SHANK2: variants seen among roughly 807,000 people sequenced by gnomAD.
SHANK2 encodes SH3 and multiple ankyrin repeat domains protein 2.
A neutral mutation model predicts 133.7 loss-of-function variants in SHANK2; 43 were observed. The observed-to-expected ratio is 0.32, with a 90% CI of 0.25 to 0.41. SHANK2 has a LOEUF of 0.41. Ranked by LOEUF, SHANK2 falls within the 10% of genes least tolerant of loss-of-function variation. The pLI is 1.00. For synonymous variants in SHANK2, 1,017 were observed against 952.8 expected, an observed-to-expected ratio of 1.07 and a Z score of -1.24; for missense variants, 1,994 against 2,235.8, an observed-to-expected ratio of 0.89 and a Z score of 2.18.
chr11:70,487,767 G>A lies in SHANK2; in HGVS notation c.2573-47C>T. On this transcript the variant is annotated intron_variant, in intron 24 of 25. Coordinates refer to ENST00000601538, the MANE Select transcript of SHANK2 (RefSeq NM_012309.5). The surrounding 1 kb of genome is among the most constrained non-coding windows in gnomAD (Gnocchi z 5.8). ...AGCTTTAAGTCACAATAGCAACAAA[G>A]CCTAAGTTCCTAGGAACGTGCGATA... The A allele has an allele frequency of 6.5e-7, 1 of 1,550,284 alleles. No homozygotes were observed. The highest frequency in any genetic ancestry group is 8.7e-7 in the Non-Finnish European group (1 of 1,147,028).
chr11:70,900,797 T>C (rs1429095944), intron 10 of SHANK2, among the ~76,000 whole-genome samples: 1 of 152,162 alleles, frequency 6.6e-6, no homozygotes, highest in Admixed American at 6.6e-5. Context: ...TGGCTTATCA[T>C]GGGTTCCCAG....
At chr11:70,633,884 C>T (rs1795242543) in intron 17 of SHANK2, 1 of 152,222 alleles carries the variant, frequency 6.6e-6, no homozygotes, top group South Asian at 2.1e-4. Flanking sequence ...CAAGAGCTCA[C>T]CTCCATTTAT....
At chr11:70,762,641 A>G (rs1947020038) in intron 14 of SHANK2, among the ~76,000 whole-genome samples, 1 of 152,110 alleles carries the variant, frequency 6.6e-6, no homozygotes, top group African/African-American at 2.4e-5. Context: ...AGGTCCACAG[A>G]TCCCACAAGC....
At chr11:71,064,223 G>A (rs1951019325) in intron 9 of SHANK2, among the ~76,000 whole-genome samples, 1 of 152,252 alleles carries the variant, frequency 6.6e-6, no homozygotes, top group Non-Finnish European at 1.5e-5. Flanking sequence ...GCTTGGGCTG[G>A]AGAGGGGGCA....
intron 17 of SHANK2, among the ~76,000 whole-genome samples, chr11:70,533,627 A>G (rs1307491339): frequency 6.6e-6 from 1 of 152,098 alleles, no homozygotes; most frequent in Non-Finnish European, 1.5e-5. Context: ...TTTGGGGGAC[A>G]TGCATATTTC....
intron 9 of SHANK2, among the ~76,000 whole-genome samples, chr11:71,070,413 T>C (rs2135965525): frequency 6.6e-6 from 1 of 152,168 alleles, no homozygotes; most frequent in East Asian, 1.9e-4. Context: ...TAGGCAAGGC[T>C]GGAAATCAAA....
At chr11:70,612,948 C>T (rs1342407978) in intron 17 of SHANK2, among the ~76,000 whole-genome samples, 1 of 152,194 alleles carries the variant, frequency 6.6e-6, no homozygotes, top group East Asian at 1.9e-4. Flanking sequence ...CTGTACTCCA[C>T]GTGTGAGCAA....
At chr11:71,066,753 A>G (rs995132212) in intron 9 of SHANK2, among the ~76,000 whole-genome samples, 1 of 152,230 alleles carries the variant, frequency 6.6e-6, no homozygotes, top group Non-Finnish European at 1.5e-5. Context: ...AGATGTCTGC[A>G]TAAGTAAAAC....
In SHANK2 at chr11:71,224,784, G is replaced by C. The variant is rs1954613892; in HGVS notation, c.-100C>G. On this transcript the variant is annotated 5_prime_UTR_variant, in exon 2 of 26. Coordinates refer to ENST00000601538, the MANE Select transcript of SHANK2 (RefSeq NM_012309.5). ...AGAGGGCCAAAGCAGGGTGCCTGGAGAGATTTCCAGACCTGTGGAGAGATA... is the reference window on the plus strand; with the variant it reads ...AGAGGGCCAAAGCAGGGTGCCTGGACAGATTTCCAGACCTGTGGAGAGATA... 6.6e-6 allele frequency: 1 copy of C among 152,298 alleles called. No individual in the cohort carries two copies. The highest frequency in any genetic ancestry group is 2.4e-5 in the African/African-American group (1 of 41,456). The allele number at this position is 152,298 out of a possible 1,614,324, so 9.4% of individuals were successfully genotyped here.
chr11:70,814,512 C>T (rs1473691423), intron 12 of SHANK2, among the ~76,000 whole-genome samples: 1 of 152,196 alleles, frequency 6.6e-6, no homozygotes, highest in Non-Finnish European at 1.5e-5. Context: ...CCAGCAGTGT[C>T]CCTGGGCGGC....
intron 14 of SHANK2, among the ~76,000 whole-genome samples, chr11:70,710,479 C>A (rs1156318180): frequency 2.6e-5 from 4 of 152,210 alleles, no homozygotes; most frequent in African/African-American, 9.7e-5. Flanking sequence ...GCGAGGGAGG[C>A]AGAACTGACA....
intron 10 of SHANK2, among the ~76,000 whole-genome samples, chr11:70,928,124 A>C (rs1950453538): frequency 6.6e-6 from 1 of 152,280 alleles, no homozygotes; most frequent in East Asian, 1.9e-4. Context: ...ATTTTTCTAG[A>C]GAACCCTGGC....
chr11:70,720,705 T>G (rs911028072), intron 14 of SHANK2, among the ~76,000 whole-genome samples: 1 of 152,244 alleles, frequency 6.6e-6, no homozygotes, highest in Admixed American at 6.5e-5. Context: ...TGTGTGTTCT[T>G]GCGGTATACA....
chr11:70,892,854 C>T (rs1555074973), intron 11 of SHANK2, among the ~76,000 whole-genome samples: 1 of 152,180 alleles, frequency 6.6e-6, no homozygotes, highest in African/African-American at 2.4e-5. Flanking sequence ...CAGGCACACC[C>T]TCTGCAGGTT....
chr11:71,197,504 C>A (rs1953929643), intron 2 of SHANK2, among the ~76,000 whole-genome samples: 1 of 152,242 alleles, frequency 6.6e-6, no homozygotes, highest in Non-Finnish European at 1.5e-5. Context: ...CAACACCCTG[C>A]CCCATGAGGC....
chr11:70,781,558 T>TCATATATATATATATATATA (rs1555045157), intron 14 of SHANK2, among the ~76,000 whole-genome samples: 5 of 28,970 alleles, frequency 1.7e-4, no homozygotes, highest in African/African-American at 2.1e-4. Context: ...TACTTACTTA[T>TCATATATATATATATATATA]TATATATATA....
intron 17 of SHANK2, among the ~76,000 whole-genome samples, chr11:70,584,676 C>G (rs1044353635): frequency 6.6e-6 from 1 of 152,208 alleles, no homozygotes; most frequent in Non-Finnish European, 1.5e-5. Context: ...ACATTTCCCC[C>G]CTCTCCCTCT....
At chr11:71,132,096 A>G (rs1952320981) in intron 3 of SHANK2, among the ~76,000 whole-genome samples, 1 of 152,212 alleles carries the variant, frequency 6.6e-6, no homozygotes, top group Non-Finnish European at 1.5e-5. Context: ...GAGGCAGGTG[A>G]GGCTGCTGCC....
intron 21 of SHANK2, 132 bp from the exon 22 acceptor site, chr11:70,492,597 G>C: frequency 4.2e-6 from 5 of 1,177,756 alleles, no homozygotes; most frequent in Non-Finnish European, 6.1e-6. Context: ...CTGCTGTGAG[G>C]AGCATGCGTG....
Sources: allele counts gnomAD v4.1 joint callset (sites outside exome capture counted in the v4.1 genomes callset), GRCh38; gene constraint gnomAD v4.1.1; non-coding constraint Gnocchi (gnomAD v3.1); transcripts MANE v1.5; gene names NCBI Gene and HGNC (gene_info 2026-07-23, HGNC 2026-07-21).